Variants in FAM83G observed in about 807,000 individuals in gnomAD.
The protein encoded by FAM83G is protein FAM83G.
FAM83G carries 38 observed loss-of-function variants against 61.5 expected under a neutral mutation model. That is an observed-to-expected ratio of 0.62 (90% confidence interval 0.48 to 0.81). FAM83G has a LOEUF of 0.81. Ranked by LOEUF, FAM83G falls within the 30% of genes least tolerant of loss-of-function variation. The probability of loss-of-function intolerance (pLI) is 0.00; values close to 1 mark genes in which losing one functional copy is unlikely to be tolerated. For missense variants in FAM83G, 989 were observed against 1,133.6 expected, an observed-to-expected ratio of 0.87 and a Z score of 1.83; for synonymous variants, 470 against 476.1, an observed-to-expected ratio of 0.99 and a Z score of 0.17.
intron 3 of FAM83G, among the ~76,000 whole-genome samples, chr17:18,984,457 G>A (rs1391592668): frequency 2.0e-5 from 3 of 152,188 alleles, no homozygotes; most frequent in East Asian, 1.9e-4. Flanking sequence ...CCTGGGCAGC[G>A]GAAGGGCTGG....
chr17:18,980,727 C>T (rs948372903), intron 3 of FAM83G, among the ~76,000 whole-genome samples: 1 of 152,088 alleles, frequency 6.6e-6, no homozygotes, highest in Non-Finnish European at 1.5e-5. Flanking sequence ...AAGGGCATCC[C>T]GAAGTAGAAT....
At position 18,974,037 on chromosome 17, in the gene FAM83G, C is replaced by T. The variant is rs146315116; in HGVS notation, c.2083-2289G>A. 8.4e-3 allele frequency among the ~76,000 whole-genome samples: 1,275 copies of T among 152,196 alleles called. 13 individuals carry two copies. The highest frequency in any genetic ancestry group is 0.029 in the African/African-American group (1,220 of 41,526). On this transcript the variant is annotated intron_variant, in intron 5 of 5. Coordinates refer to ENST00000388995, the MANE Select transcript of FAM83G (RefSeq NM_001039999.3). ...CCTCCTAAGTAGTTGGGATTACAAG[C>T]GTGTACCATCATGCCCGGCTAATTT...
At position 19,003,405 on chromosome 17, in the gene FAM83G, A is replaced by C; in HGVS notation, c.522+115T>G. ...CCAAGAGGCAGCCAGGGAAAACAGCAGAGATCCCTAGAAGCCCATGTTGGG... is the reference window on the plus strand; with the variant it reads ...CCAAGAGGCAGCCAGGGAAAACAGCCGAGATCCCTAGAAGCCCATGTTGGG... On this transcript the variant is annotated intron_variant, in intron 2 of 5. Coordinates refer to ENST00000388995, the MANE Select transcript of FAM83G (RefSeq NM_001039999.3). The surrounding 1 kb of genome is among the most constrained non-coding windows in gnomAD (Gnocchi z 4.5). 8 of 1,132,420 alleles carry C rather than the reference A, an allele frequency of 7.1e-6. No homozygotes were observed. The highest frequency in any genetic ancestry group is 8.2e-6 in the Non-Finnish European group (7 of 850,912). 70.1% of individuals were successfully genotyped at this position (1,132,420 alleles called of 1,614,324 possible).
chr17:18,984,572 G>A (rs1348877694), intron 3 of FAM83G, among the ~76,000 whole-genome samples: 2 of 152,198 alleles, frequency 1.3e-5, no homozygotes, highest in Admixed American at 6.5e-5. Context: ...CATCAGAAAC[G>A]GGAAACGGGT....
At chr17:18,981,689 C>T (rs1306769910) in intron 3 of FAM83G, among the ~76,000 whole-genome samples, 1 of 152,186 alleles carries the variant, frequency 6.6e-6, no homozygotes, top group Non-Finnish European at 1.5e-5. Flanking sequence ...TGATGCCCAC[C>T]TGTGGGATAA....
intron 2 of FAM83G, among the ~76,000 whole-genome samples, chr17:18,989,684 G>T (rs568367312): frequency 5.7e-4 from 87 of 152,332 alleles, no homozygotes; most frequent in African/African-American, 1.5e-3. Context: ...ATGCCCGTTT[G>T]CTGCCTTTCT....
chr17:19,003,199 G>T lies in FAM83G; in HGVS notation c.522+321C>A, dbSNP rs2043775999. On this transcript the variant is annotated intron_variant, in intron 2 of 5. Coordinates refer to ENST00000388995, the MANE Select transcript of FAM83G (RefSeq NM_001039999.3). The surrounding 1 kb of genome is among the most constrained non-coding windows in gnomAD (Gnocchi z 4.5). Reference sequence around the variant, plus strand: ...CTAAGGGAGAGTGAGAGGAAGCCCTGGGGTTCCTCCCCTCCCCACTCCACC... The same window carrying T: ...CTAAGGGAGAGTGAGAGGAAGCCCTTGGGTTCCTCCCCTCCCCACTCCACC... Among the ~76,000 whole-genome samples the T allele has an allele frequency of 6.7e-6, 1 of 150,358 alleles. No individual in the cohort carries two copies. The highest frequency in any genetic ancestry group is 1.5e-5 in the Non-Finnish European group (1 of 67,570).
chr17:18,990,539 T>C (rs1597873039), intron 2 of FAM83G, among the ~76,000 whole-genome samples: 1 of 152,230 alleles, frequency 6.6e-6, no homozygotes, highest in East Asian at 1.9e-4. Context: ...AGATGGGGAC[T>C]TGCCCTGGGC....
chr17:18,985,391 C>T (rs2043244975), intron 3 of FAM83G, among the ~76,000 whole-genome samples: 1 of 152,202 alleles, frequency 6.6e-6, no homozygotes, highest in Non-Finnish European at 1.5e-5. Flanking sequence ...CAAACTGGCA[C>T]CTGACACCCC....
intron 3 of FAM83G, among the ~76,000 whole-genome samples, chr17:18,980,182 G>A (rs1303715693): frequency 2.0e-5 from 3 of 152,140 alleles, no homozygotes; most frequent in Non-Finnish European, 4.4e-5. Flanking sequence ...AGGGTGCGTG[G>A]CCCTACCCGG....
intron 3 of FAM83G, among the ~76,000 whole-genome samples, chr17:18,984,382 A>AT: frequency 6.6e-6 from 1 of 150,972 alleles, no homozygotes; most frequent in African/African-American, 2.4e-5. Flanking sequence ...CCCTGAATCC[A>AT]CCACAGACCC....
At chr17:18,988,779 C>A (rs2152129945) in intron 2 of FAM83G, among the ~76,000 whole-genome samples, 1 of 152,352 alleles carries the variant, frequency 6.6e-6, no homozygotes, top group Non-Finnish European at 1.5e-5. Flanking sequence ...CCCCTACATT[C>A]CTGGGCTGGT....
At position 18,996,613 on chromosome 17, in the gene FAM83G, C is replaced by T. The variant is rs1567803172; in HGVS notation, c.522+6907G>A. 6.6e-6 allele frequency among the ~76,000 whole-genome samples: 1 copy of T among 152,112 alleles called. No homozygotes were observed. Among genetic ancestry groups the T allele is most frequent in the African/African-American group, 2.4e-5 (1 of 41,420 alleles). ...CTGTGTACTTGGTAACAAATGCTGACCCCAGCCAGAGCAAGGATAATTAGG... is the reference window on the plus strand; with the variant it reads ...CTGTGTACTTGGTAACAAATGCTGATCCCAGCCAGAGCAAGGATAATTAGG... On this transcript the variant is annotated intron_variant, in intron 2 of 5. Transcript: ENST00000388995. This position sits in a 1 kb window ranked among gnomAD's most constrained non-coding sequence, Gnocchi z 4.4.
At chr17:18,975,185 G>A (rs1752105908) in intron 5 of FAM83G, among the ~76,000 whole-genome samples, 1 of 152,154 alleles carries the variant, frequency 6.6e-6, no homozygotes, top group African/African-American at 2.4e-5. Context: ...TGTCCAGATG[G>A]GGCAACTGAG....
chr17:18,979,041 A>C, intron 4 of FAM83G, 191 bp from the exon 5 acceptor site: 1 of 636,878 alleles, frequency 1.6e-6, no homozygotes, highest in Non-Finnish European at 2.7e-6. Context: ...TGGTTGCACC[A>C]AGCCCATTCC....
upstream of FAM83G, among the ~76,000 whole-genome samples, chr17:19,005,443 T>C (rs2043858641): frequency 6.6e-6 from 1 of 152,102 alleles, no homozygotes; most frequent in Non-Finnish European, 1.5e-5. Context: ...AGGCAGGCTT[T>C]GAGGGTGGGA....
intron 5 of FAM83G, among the ~76,000 whole-genome samples, chr17:18,973,127 G>A (rs2042896040): frequency 6.6e-6 from 1 of 152,248 alleles, no homozygotes; most frequent in African/African-American, 2.4e-5. Flanking sequence ...GCTGGTGAAA[G>A]GTTGGCCGTG....
chr17:19,003,682 C>A lies in FAM83G; in HGVS notation c.360G>T (p.Trp120Cys). ...GGATGGAGCGGTCCGACTTCTGGGG[C>A]CAGTACTCCAGGGAGGGCAGCGGCT... is the stretch of plus-strand genomic sequence containing the variant. ...EAEPLPSLEY[W>C]PQKSDRSIPQ... Residue 120 changes from tryptophan (W) to cysteine (C), a missense_variant, in exon 2 of 6, where the codon TGG becomes TGT. Transcript: ENST00000388995. This position sits in a 1 kb window ranked among gnomAD's most constrained non-coding sequence, Gnocchi z 4.5. 1 of 1,610,474 alleles carries A rather than the reference C, an allele frequency of 6.2e-7. No individual in the cohort carries two copies. The highest frequency in any genetic ancestry group is 8.5e-7 in the Non-Finnish European group (1 of 1,178,660).
intron 5 of FAM83G, among the ~76,000 whole-genome samples, chr17:18,973,066 G>A (rs1014521001): frequency 9.9e-5 from 15 of 152,190 alleles, no homozygotes; most frequent in East Asian, 3.9e-4. Context: ...CACAGCAGGC[G>A]TCTGCCCAGT....
Sources: gnomAD v4.1 joint callset for allele counts (sites outside exome capture counted in the v4.1 genomes callset) on GRCh38, gnomAD v4.1.1 for gene constraint, Gnocchi (gnomAD v3.1) non-coding constraint, MANE v1.5 for transcripts, NCBI Gene and HGNC (gene_info 2026-07-23, HGNC 2026-07-21) for gene names.